Variants in GABRB1 observed in about 807,000 individuals in gnomAD.
GABRB1 encodes gamma-aminobutyric acid type A receptor subunit beta1.
Under a neutral mutation model 51.6 loss-of-function variants are expected in GABRB1, and 17 were observed. That is an observed-to-expected ratio of 0.33 (90% CI 0.23 to 0.49). The LOEUF is 0.49. GABRB1 is among the 20% of genes least tolerant of loss of function. GABRB1 has a pLI of 0.99. For synonymous variants in GABRB1, 247 were observed against 218.9 expected, an observed-to-expected ratio of 1.13 and a Z score of -1.14; for missense variants, 410 against 600.6, an observed-to-expected ratio of 0.68 and a Z score of 3.32.
intron 5 of GABRB1, among the ~76,000 whole-genome samples, chr4:47,333,967 T>C (rs1316241812): frequency 6.6e-6 from 1 of 152,162 alleles, no homozygotes; most frequent in African/African-American, 2.4e-5. Context: ...GTACCTACAA[T>C]GTAGACAAAA....
intron 5 of GABRB1, among the ~76,000 whole-genome samples, chr4:47,333,425 G>C (rs1201742938): frequency 2.0e-5 from 3 of 151,846 alleles, no homozygotes. Context: ...TTTTACAATA[G>C]CTTCTCAGGC....
intron 4 of GABRB1, among the ~76,000 whole-genome samples, chr4:47,186,619 C>T (rs1247992027): frequency 6.6e-6 from 1 of 151,776 alleles, no homozygotes; most frequent in Non-Finnish European, 1.5e-5. Context: ...AGTGTCCCCA[C>T]CTATCCTAAG....
intron 4 of GABRB1, among the ~76,000 whole-genome samples, chr4:47,249,662 AT>A (rs774923499): frequency 1.7e-4 from 26 of 152,110 alleles, no homozygotes; most frequent in Non-Finnish European, 3.8e-4. Context: ...TGGACAAGGA[AT>A]TTTACCATTA....
At chr4:47,312,803 A>T (rs1724751013) in intron 4 of GABRB1, among the ~76,000 whole-genome samples, 1 of 152,154 alleles carries the variant, frequency 6.6e-6, no homozygotes, top group Non-Finnish European at 1.5e-5. Context: ...ATTTAAGTTC[A>T]CATTGCTATT....
chr4:47,161,408 G>A lies in GABRB1; in HGVS notation c.400G>A (p.Val134Ile). ...LNDKKSFVHG[V>I]TVKNRMIRLH... Reference sequence around the variant, plus strand: ...TGACAAGAAATCATTTGTGCATGGGGTCACAGTGAAAAATCGAATGATTCG... The same window carrying A: ...TGACAAGAAATCATTTGTGCATGGGATCACAGTGAAAAATCGAATGATTCG... The change falls in exon 4 of 9, where the codon GTC (valine) becomes ATC (isoleucine). Residue 134 changes from valine to isoleucine, a missense_variant. Physicochemically the swap from Val to Ile is conservative, Grantham distance 29. Around this residue, in one of 5 missense-constraint regions of GABRB1, gnomAD observed 100 missense variants for 184.3 expected, o/e 0.54. Coordinates refer to ENST00000295454, the MANE Select transcript of GABRB1 (RefSeq NM_000812.4). 6.2e-7 allele frequency: 1 copy of A among 1,612,704 alleles called. No homozygotes were observed. The highest frequency in any genetic ancestry group is 8.5e-7 in the Non-Finnish European group (1 of 1,179,198).
intron 3 of GABRB1, among the ~76,000 whole-genome samples, chr4:47,068,739 T>G (rs986892923): frequency 6.6e-6 from 1 of 152,096 alleles, no homozygotes; most frequent in Non-Finnish European, 1.5e-5. Flanking sequence ...ACATAACAGA[T>G]ATAATAATCA....
intron 3 of GABRB1, among the ~76,000 whole-genome samples, chr4:47,040,030 A>C (rs1309178754): frequency 1.3e-5 from 2 of 152,208 alleles, no homozygotes; most frequent in Non-Finnish European, 2.9e-5. Flanking sequence ...CCAGAAGTGC[A>C]CTGCAGAGGA....
At chr4:47,003,879 A>C (rs773770975) in intron 1 of GABRB1, among the ~76,000 whole-genome samples, 2 of 152,258 alleles carry the variant, frequency 1.3e-5, no homozygotes, top group Non-Finnish European at 2.9e-5. Context: ...TCAGGAATTC[A>C]ATCCTATTGA....
chr4:47,009,135 A>T (rs981386970), intron 1 of GABRB1, among the ~76,000 whole-genome samples: 5 of 150,300 alleles, frequency 3.3e-5, no homozygotes, highest in African/African-American at 1.2e-4. Flanking sequence ...AAGTGCTGGG[A>T]TTACAGGCAT....
At chr4:47,404,531 C>G (rs953866980) in intron 7 of GABRB1, among the ~76,000 whole-genome samples, 27 of 122,232 alleles carry the variant, frequency 2.2e-4, no homozygotes, top group African/African-American at 8.1e-4. Context: ...ACACACACAT[C>G]ATTTCTGGCT....
At chr4:47,049,475 A>G (rs1452856518) in intron 3 of GABRB1, among the ~76,000 whole-genome samples, 2 of 152,194 alleles carry the variant, frequency 1.3e-5, no homozygotes, top group Non-Finnish European at 2.9e-5. Context: ...CTTCCAGTGA[A>G]CACTGAGAGA....
At chr4:47,208,041 C>T (rs965245411) in intron 4 of GABRB1, among the ~76,000 whole-genome samples, 1 of 151,986 alleles carries the variant, frequency 6.6e-6, no homozygotes, top group African/African-American at 2.4e-5. Flanking sequence ...CATCAGTGCT[C>T]ATAGCAGCAT....
At chr4:47,420,048 G>C (rs1411263637) in intron 8 of GABRB1, among the ~76,000 whole-genome samples, 1 of 152,276 alleles carries the variant, frequency 6.6e-6, no homozygotes, top group Non-Finnish European at 1.5e-5. Flanking sequence ...TTGGTTTGAG[G>C]AATATATGAT....
intron 4 of GABRB1, among the ~76,000 whole-genome samples, chr4:47,266,179 C>G (rs997037797): frequency 2.0e-5 from 3 of 152,096 alleles, no homozygotes; most frequent in Non-Finnish European, 4.4e-5. Flanking sequence ...TTCCTAGCAC[C>G]ATTTATTAAA....
At chr4:47,264,584 C>T (rs569712513) in intron 4 of GABRB1, among the ~76,000 whole-genome samples, 2 of 152,326 alleles carry the variant, frequency 1.3e-5, no homozygotes, top group South Asian at 4.1e-4. Flanking sequence ...GGTCAAGTCT[C>T]AAATGCAAAC....
chr4:47,403,745 G>T (rs763143950), intron 7 of GABRB1, 34 bp downstream of exon 7: 2 of 1,594,378 alleles, frequency 1.3e-6, no homozygotes, highest in Non-Finnish European at 1.7e-6. Flanking sequence ...AGAGCTAACA[G>T]ATTTTACTTT....
At chr4:47,424,936 T>C (rs568591233) in intron 8 of GABRB1, among the ~76,000 whole-genome samples, 2 of 152,308 alleles carry the variant, frequency 1.3e-5, no homozygotes, top group South Asian at 4.1e-4. Flanking sequence ...AGTCAAAGGA[T>C]AGCCAGGCGA....
chr4:47,289,616 C>T (rs1723649840), intron 4 of GABRB1, among the ~76,000 whole-genome samples: 1 of 152,142 alleles, frequency 6.6e-6, no homozygotes, highest in Non-Finnish European at 1.5e-5. Flanking sequence ...TTGGAAGGAG[C>T]ATGGTCTTCC....
At chr4:47,402,509 T>C (rs986002685) in intron 5 of GABRB1, among the ~76,000 whole-genome samples, 1 of 152,240 alleles carries the variant, frequency 6.6e-6, no homozygotes, top group Non-Finnish European at 1.5e-5. Context: ...ATTCTTCTTA[T>C]GCAAGTTACT....
Sources: gnomAD v4.1 joint callset for allele counts (sites outside exome capture counted in the v4.1 genomes callset) on GRCh38, gnomAD v4.1.1 for gene constraint, gnomAD v4.1.1 regional missense constraint, MANE v1.5 for transcripts, NCBI Gene and HGNC (gene_info 2026-07-23, HGNC 2026-07-21) for gene names.